Variants in NPR3 observed in about 807,000 individuals in gnomAD.
NPR3 encodes the protein natriuretic peptide receptor 3, also known as atrial natriuretic peptide receptor 3.
In NPR3, 34 loss-of-function variants were observed where a neutral mutation model predicts 54.5. That is an observed-to-expected ratio of 0.62 (90% CI 0.47 to 0.83). NPR3 has a LOEUF of 0.83. Ranked by LOEUF, NPR3 falls within the 40% of genes least tolerant of loss-of-function variation. NPR3 has a pLI of 0.00. For synonymous variants in NPR3, 289 were observed against 297.1 expected (o/e 0.97, Z 0.28); for missense variants, 674 against 720.8 (o/e 0.94, Z 0.74).
Position 32,784,870 on chromosome 5 carries a change from T to A in NPR3, c.1501T>A (p.Phe501Ile). The change falls in exon 7 of 8, where the codon TTC (phenylalanine) becomes ATC (isoleucine). Residue 501 changes from phenylalanine (F) to isoleucine (I), a missense_variant. By Grantham distance (21) the Phe-to-Ile change is conservative. Transcript: ENST00000265074. ...ALLGAGLLMAFYFFRKKYRIT... is the reference protein window; with the variant it reads ...ALLGAGLLMAIYFFRKKYRIT... ...ACTAGGAGCTGGCTTGCTAATGGCC[T>A]TCTACTTTTTCAGGTGAGGACGGTT... 6.2e-7 allele frequency: 1 copy of A among 1,613,170 alleles called. No individual in the cohort carries two copies. The highest frequency in any genetic ancestry group is 8.5e-7 in the Non-Finnish European group (1 of 1,179,208).
At position 32,711,324 on chromosome 5, in the gene NPR3, G is replaced by A; in HGVS notation, c.-453G>A. On this transcript the variant is annotated 5_prime_UTR_variant, in exon 1 of 8. Coordinates refer to ENST00000265074, the MANE Select transcript of NPR3 (RefSeq NM_001204375.2). Reference sequence around the variant, plus strand: ...GCGGGCTATGGATCCAGGAACCGGCGCGAATCAATGAGATCAAATGCGAGG... The same window carrying A: ...GCGGGCTATGGATCCAGGAACCGGCACGAATCAATGAGATCAAATGCGAGG... 1.0e-6 allele frequency: 1 copy of A among 986,064 alleles called. No homozygotes were observed. 61.1% of individuals were successfully genotyped at this position (986,064 alleles called of 1,614,324 possible). A position where few individuals can be genotyped will look rare whatever the true frequency, so the allele number is the denominator to read the frequency against.
intron 3 of NPR3, among the ~76,000 whole-genome samples, chr5:32,759,760 T>A (rs1013367812): frequency 1.3e-5 from 2 of 152,204 alleles, no homozygotes; most frequent in African/African-American, 4.8e-5. Flanking sequence ...TTCCTTTCCA[T>A]GTTTAGTGCT....
At chr5:32,722,842 G>A (rs958900314) in intron 1 of NPR3, among the ~76,000 whole-genome samples, 2 of 152,092 alleles carry the variant, frequency 1.3e-5, no homozygotes, top group Admixed American at 1.3e-4. Flanking sequence ...GAGGCATCTT[G>A]GAATTGATTA....
At position 32,788,825 on chromosome 5, in the gene NPR3, T is replaced by C. The variant is rs1298521900; in HGVS notation, c.*2480T>C. 1.3e-5 allele frequency: 2 copies of C among 152,252 alleles called. No homozygotes were observed. The highest frequency in any genetic ancestry group is 2.9e-5 in the Non-Finnish European group (2 of 68,060). 9.4% of individuals were successfully genotyped at this position (152,252 alleles called of 1,614,324 possible). ...TTAAAATCAATTCTTATGTTAATAT[T>C]GATTGCTTATTTACATGTCAGTCAT... On this transcript the variant is annotated 3_prime_UTR_variant, in exon 8 of 8. Coordinates refer to ENST00000265074, the MANE Select transcript of NPR3 (RefSeq NM_001204375.2).
intron 3 of NPR3, among the ~76,000 whole-genome samples, chr5:32,774,140 A>G (rs906508832): frequency 6.6e-6 from 1 of 152,218 alleles, no homozygotes; most frequent in Admixed American, 6.5e-5. Flanking sequence ...AGACTAAGAC[A>G]TTATTACTAA....
At chr5:32,738,445 A>G (rs1739865850) in intron 2 of NPR3, among the ~76,000 whole-genome samples, 1 of 152,196 alleles carries the variant, frequency 6.6e-6, no homozygotes, top group Non-Finnish European at 1.5e-5. Context: ...TCCCACACAC[A>G]CATAACATCA....
intron 2 of NPR3, among the ~76,000 whole-genome samples, chr5:32,735,535 C>G (rs1011179227): frequency 6.6e-6 from 1 of 151,212 alleles, no homozygotes; most frequent in South Asian, 2.1e-4. Context: ...TCCCAAGAAC[C>G]ATTTTTAGCT....
chr5:32,771,588 G>C (rs1741764122), intron 3 of NPR3, among the ~76,000 whole-genome samples: 1 of 152,180 alleles, frequency 6.6e-6, no homozygotes, highest in South Asian at 2.1e-4. Context: ...CACAGTCAGT[G>C]CTTTGGGTGA....
intron 3 of NPR3, among the ~76,000 whole-genome samples, chr5:32,740,942 C>A (rs964246800): frequency 1.3e-5 from 2 of 151,986 alleles, no homozygotes; most frequent in Admixed American, 1.3e-4. Flanking sequence ...TATGAAAGAA[C>A]ACAAAGGGTA....
At chr5:32,704,623 C>A (rs550081971), upstream of NPR3, among the ~76,000 whole-genome samples, 1 of 152,290 alleles carries the variant, frequency 6.6e-6, no homozygotes, top group South Asian at 2.1e-4. Flanking sequence ...GATCCCAACC[C>A]AGACATATTT....
At chr5:32,773,500 C>T (rs1025680098) in intron 3 of NPR3, among the ~76,000 whole-genome samples, 2 of 152,122 alleles carry the variant, frequency 1.3e-5, no homozygotes, top group Non-Finnish European at 1.5e-5. Flanking sequence ...GACCCTGTTT[C>T]TCCTGCTCCC....
At chr5:32,735,880 C>T (rs1227845236) in intron 2 of NPR3, among the ~76,000 whole-genome samples, 2 of 152,140 alleles carry the variant, frequency 1.3e-5, no homozygotes, top group African/African-American at 2.4e-5. Context: ...GAATAGATAC[C>T]TATTTAGCTT....
intron 1 of NPR3, chr5:32,713,561 G>C (rs1738383319): frequency 1.2e-6 from 1 of 807,406 alleles, no homozygotes; most frequent in Admixed American, 6.2e-5. Flanking sequence ...TGGCGCTCAC[G>C]CGCCTGGAAT....
At chr5:32,769,534 A>G (rs1350166254) in intron 3 of NPR3, among the ~76,000 whole-genome samples, 2 of 152,224 alleles carry the variant, frequency 1.3e-5, no homozygotes, top group African/African-American at 4.8e-5. Flanking sequence ...ATGGGTGGTT[A>G]GAAGGCATGT....
At chr5:32,765,072 T>C (rs1741381111) in intron 3 of NPR3, among the ~76,000 whole-genome samples, 1 of 152,184 alleles carries the variant, frequency 6.6e-6, no homozygotes, top group Non-Finnish European at 1.5e-5. Flanking sequence ...GTTTACTCAT[T>C]CCCTGGCTGA....
At chr5:32,707,896 C>T (rs551966204), upstream of NPR3, among the ~76,000 whole-genome samples, 1 of 150,826 alleles carries the variant, frequency 6.6e-6, no homozygotes, top group Admixed American at 6.6e-5. Context: ...AACATATAGA[C>T]AGTAATTTCA....
intron 1 of NPR3, among the ~76,000 whole-genome samples, chr5:32,691,798 C>T (rs539480681): frequency 6.6e-6 from 1 of 152,302 alleles, no homozygotes; most frequent in African/African-American, 2.4e-5. Context: ...AGGGAAATAG[C>T]ATAGGTGTCA....
At chr5:32,765,321 CA>C (rs1458211564) in intron 3 of NPR3, among the ~76,000 whole-genome samples, 1 of 152,204 alleles carries the variant, frequency 6.6e-6, no homozygotes, top group Non-Finnish European at 1.5e-5. Flanking sequence ...AATTTCATCA[CA>C]GGGGAATCTT....
In NPR3 at chr5:32,724,782, C is replaced by T. The variant is rs1347317657; in HGVS notation, c.854C>T (p.Ala285Val). 5 of 1,613,902 alleles carry T rather than the reference C, an allele frequency of 3.1e-6. No homozygotes were observed. The South Asian group carries it at 4.4e-5, about 14-fold the overall frequency. ...HRHGMTSGDY[A>V]FFNIELFNSS... ...CATGGCATGACCAGTGGAGACTACG[C>T]CTTCTTCAACATTGAGCTCTTCAAC... Residue 285 changes from alanine (A) to valine (V), a missense_variant, in exon 2 of 8, where the codon GCC becomes GTC. Physicochemically the swap from Ala to Val is moderately conservative, Grantham distance 64. Coordinates refer to ENST00000265074, the MANE Select transcript of NPR3 (RefSeq NM_001204375.2).
Sources: gnomAD v4.1 joint callset for allele counts (sites outside exome capture counted in the v4.1 genomes callset) on GRCh38, gnomAD v4.1.1 for gene constraint, MANE v1.5 for transcripts, NCBI Gene and HGNC (gene_info 2026-07-23, HGNC 2026-07-21) for gene names.